DNAH1: variants seen among roughly 807,000 people sequenced by gnomAD.
DNAH1 encodes the protein dynein axonemal heavy chain 1.
A neutral mutation model predicts 484.3 loss-of-function variants in DNAH1; 327 were observed. The ratio of observed to expected loss-of-function variants is 0.68; its 90% CI spans 0.62 to 0.74. The LOEUF (loss-of-function observed/expected upper bound fraction) is 0.74, where lower values mean the gene tolerates loss of function less well. DNAH1 is among the 30% of genes least tolerant of loss of function. DNAH1 has a pLI of 0.00. For synonymous variants in DNAH1, 2,192 were observed against 2,191.9 expected (o/e 1.00, Z 0.00); for missense variants, 5,052 against 5,546.8 (o/e 0.91, Z 2.83).
At chr3:52,396,347 A>T in intron 70 of DNAH1, 21 bp from the exon 71 acceptor site, 1 of 1,558,692 alleles carries the variant, frequency 6.4e-7, no homozygotes, top group Non-Finnish European at 8.7e-7. Context: ...CTCAATGCTC[A>T]CGTGGAGCCA....
chr3:52,352,297 A>G (rs1351593625), intron 17 of DNAH1, among the ~76,000 whole-genome samples, 194 bp downstream of exon 17: 1 of 152,244 alleles, frequency 6.6e-6, no homozygotes, highest in Admixed American at 6.5e-5. Flanking sequence ...AGCAAGCTCC[A>G]GAAAGATTCG....
chr3:52,386,897 G>T, intron 56 of DNAH1, 44 bp downstream of exon 56: 1 of 1,492,452 alleles, frequency 6.7e-7, no homozygotes, highest in South Asian at 1.3e-5. Context: ...GTGAGGACAA[G>T]GCCCGCCCGG....
At position 52,349,433 on chromosome 3, in the gene DNAH1, C is replaced by G. The variant is rs769484089; in HGVS notation, c.2526+13C>G. On this transcript the variant is annotated intron_variant, in intron 14 of 77. Coordinates refer to ENST00000420323, the MANE Select transcript of DNAH1 (RefSeq NM_015512.5). Reference sequence around the variant, plus strand: ...GGAGGTGGATAGCGTAAGTGCCCACCTGCCCCGCCTCAGTGACCACAGCAG... The same window carrying G: ...GGAGGTGGATAGCGTAAGTGCCCACGTGCCCCGCCTCAGTGACCACAGCAG... The G allele has an allele frequency of 6.2e-7, 1 of 1,610,978 alleles. No homozygotes were observed. Among genetic ancestry groups the G allele is most frequent in the East Asian group, 2.2e-5 (1 of 44,862 alleles).
At chr3:52,398,780 G>C in intron 75 of DNAH1, 70 bp from the exon 76 acceptor site, 1 of 1,312,598 alleles carries the variant, frequency 7.6e-7, no homozygotes, top group South Asian at 1.6e-5. Context: ...CTGTGGCCTT[G>C]AGCTGCGGAG....
rs771316260 is a variant in DNAH1, at chr3:52,362,533, A to G, written c.5094+32A>G. On this transcript the variant is annotated intron_variant, in intron 31 of 77. Transcript: ENST00000420323. The surrounding 1 kb of genome is among the most constrained non-coding windows in gnomAD (Gnocchi z 5.1). ...GCAGGCCCAGAGTGGCCCAGGAAGC[A>G]CCAGAGCTCTAGCCTGAGTTCAGAG... The G allele has an allele frequency of 6.3e-7, 1 of 1,585,546 alleles. No individual in the cohort carries two copies. Among genetic ancestry groups the G allele is most frequent in the Admixed American group, 1.7e-5 (1 of 57,874 alleles).
At position 52,370,515 on chromosome 3, in the gene DNAH1, C is replaced by A. The variant is rs377060183; in HGVS notation, c.6297C>A (p.Ile2099=). The part of the protein sequence containing the change: ...KKIPSEKLSR[I]VELIEPWFIF... ...TACCCTCTGAAAAGCTGAGTCGCAT[C>A]GTAGAGTTGATCGAGCCCTGGTTCA... Residue 2099 remains isoleucine, a synonymous_variant, in exon 40 of 78, where the codon ATC becomes ATA. Coordinates refer to ENST00000420323, the MANE Select transcript of DNAH1 (RefSeq NM_015512.5). 2 of 1,613,882 alleles carry A rather than the reference C, an allele frequency of 1.2e-6. No homozygotes were observed. Among genetic ancestry groups the A allele is most frequent in the African/African-American group, 2.7e-5 (2 of 74,926 alleles).
In DNAH1 at chr3:52,382,400, T is replaced by C. The variant is rs759593608; in HGVS notation, c.7886T>C (p.Leu2629Pro). ...SEWRDDVKKV[L>P]LKAGLQNLPI... ...TGGCGAGATGATGTGAAGAAGGTCCTGCTCAAGGCGGGCCTACAGAACCTA... is the reference window on the plus strand; with the variant it reads ...TGGCGAGATGATGTGAAGAAGGTCCCGCTCAAGGCGGGCCTACAGAACCTA... The change falls in exon 50 of 78, where the codon CTG becomes CCG. Residue 2629 changes from leucine to proline, a missense_variant. Physicochemically the swap from Leu to Pro is moderately conservative, Grantham distance 98. This residue lies in a region of DNAH1 where 2,929 missense variants were observed against 3,409.4 expected (regional missense o/e 0.86). Transcript: ENST00000420323. The C allele has an allele frequency of 2.5e-6, 4 of 1,613,920 alleles. No homozygotes were observed. The African/African-American group carries it at 4.0e-5, about 16-fold the overall frequency.
At position 52,346,567 on chromosome 3, in the gene DNAH1, C is replaced by T. The variant is rs746140302; in HGVS notation, c.1752C>T (p.Tyr584=). 3.9e-5 allele frequency: 63 copies of T among 1,613,918 alleles called. No homozygotes were observed. The highest frequency in any genetic ancestry group is 1.7e-4 in the Admixed American group (10 of 60,002). Residue 584 remains tyrosine, a synonymous_variant, in exon 11 of 78, where the codon TAC becomes TAT. Transcript: ENST00000420323. The part of the protein sequence containing the change: ...RDMSKGWYNL[Y]ETNWEVYLMS... ...TGAGCAAGGGCTGGTACAACCTCTA[C>T]GAGACCAACTGGGAGGTGTACCTCA... is the stretch of plus-strand genomic sequence containing the variant.
At chr3:52,363,276 AC>A in intron 32 of DNAH1, 132 bp downstream of exon 32, 1 of 1,208,640 alleles carries the variant, frequency 8.3e-7, no homozygotes, top group Admixed American at 2.5e-5. Context: ...TCTCCCAGCA[AC>A]CCTTGGAGAT....
upstream of DNAH1, among the ~76,000 whole-genome samples, chr3:52,313,094 G>C (rs115271087): frequency 8.2e-3 from 1,250 of 152,310 alleles, 24 homozygotes; most frequent in African/African-American, 0.029. Flanking sequence ...GCCAGTGCCA[G>C]GCTCTTGAGT....
Position 52,381,809 on chromosome 3 carries a change from G to C in DNAH1, c.7778G>C (p.Ser2593Thr), listed in dbSNP as rs768324595. 10 of 1,601,082 alleles carry C rather than the reference G, an allele frequency of 6.2e-6. No individual in the cohort carries two copies. The South Asian group carries it at 1.1e-4, about 18-fold the overall frequency. The change falls in exon 49 of 78, where the codon AGC (serine) becomes ACC (threonine). Residue 2593 changes from serine (S) to threonine (T), a missense_variant. Around this residue, in one of 4 missense-constraint regions of DNAH1, gnomAD observed 2,929 missense variants for 3,409.4 expected, o/e 0.86. Coordinates refer to ENST00000420323, the MANE Select transcript of DNAH1 (RefSeq NM_015512.5). The surrounding 1 kb of genome is among the most constrained non-coding windows in gnomAD (Gnocchi z 4.1). Reference sequence around the variant, plus strand: ...CTGGGCGTGGGTGGCAGCGGCCGCAGCTCCCTCACAAGGCTCGCCTCGCAC... The same window carrying C: ...CTGGGCGTGGGTGGCAGCGGCCGCACCTCCCTCACAAGGCTCGCCTCGCAC... ...LLLGVGGSGR[S>T]SLTRLASHMA...
intron 6 of DNAH1, among the ~76,000 whole-genome samples, chr3:52,330,761 A>G (rs1701514360): frequency 1.3e-5 from 2 of 152,238 alleles, no homozygotes; most frequent in South Asian, 4.1e-4. Context: ...CACCCTGGCC[A>G]TGGTCACCTT....
Position 52,396,422 on chromosome 3 carries a change from G to A in DNAH1, c.11314G>A (p.Val3772Met). The change falls in exon 71 of 78, where the codon GTG (valine) becomes ATG (methionine). Residue 3772 changes from valine to methionine, a missense_variant. Val to Met is a conservative substitution (Grantham distance 21). This residue lies in a region of DNAH1 where 853 missense variants were observed against 899.0 expected (regional missense o/e 0.95). Transcript: ENST00000420323. Reference protein sequence around the residue: ...LTSLPSNKFPVSILQNGSKMT... With the variant: ...LTSLPSNKFPMSILQNGSKMT... The stretch of plus-strand genomic sequence containing the variant: ...CAGCCTGCCCAGCAACAAGTTCCCA[G>A]TGTCCATCCTGCAGAACGGCTCCAA... The A allele has an allele frequency of 6.3e-7, 1 of 1,591,436 alleles. No homozygotes were observed. The highest frequency in any genetic ancestry group is 8.6e-7 in the Non-Finnish European group (1 of 1,169,364).
chr3:52,332,401 C>A lies in DNAH1; in HGVS notation c.1286+7C>A, dbSNP rs570694571. On this transcript the variant is annotated splice_region_variant and intron_variant, in intron 8 of 77. Coordinates refer to ENST00000420323, the MANE Select transcript of DNAH1 (RefSeq NM_015512.5). ...GGATGCGCAAAGGCCCCTCGTGAGT[C>A]CCCGCTCGGCCTTCCCTATTCTGGG... 1.6e-5 allele frequency: 25 copies of A among 1,610,210 alleles called. No homozygotes were observed. The East Asian group carries it at 5.1e-4, about 33-fold the overall frequency.
intron 20 of DNAH1, 112 bp from the exon 21 acceptor site, chr3:52,354,731 C>G (rs576606278): frequency 1.0e-6 from 1 of 989,114 alleles, no homozygotes; most frequent in African/African-American, 1.6e-5. Context: ...GCCAGAGCGG[C>G]CATGTGGAGG....
intron 67 of DNAH1, 55 bp downstream of exon 67, chr3:52,394,716 A>G: frequency 6.5e-7 from 1 of 1,528,352 alleles, no homozygotes; most frequent in Non-Finnish European, 8.8e-7. Context: ...ATGAGTCCCT[A>G]GGAAAGGCTT....
Position 52,372,236 on chromosome 3 carries a change from A to G in DNAH1, c.6676A>G (p.Ile2226Val), listed in dbSNP as rs112505934. The change falls in exon 43 of 78, where the codon ATT becomes GTT. Residue 2226 changes from isoleucine (I) to valine (V), a missense_variant. Physicochemically the swap from Ile to Val is conservative, Grantham distance 29. This residue lies in a region of DNAH1 where 2,929 missense variants were observed against 3,409.4 expected (regional missense o/e 0.86). Transcript: ENST00000420323. ...LLTNKKPVLC[I>V]GPTGTGKTLT... is the part of the protein sequence containing the mutation. The stretch of plus-strand genomic sequence containing the variant: ...ATCCCCGCTCTGCCAGGTGCTGTGC[A>G]TTGGGCCAACAGGCACGGGGAAGAC... The G allele has an allele frequency of 7.0e-3, 11,237 of 1,613,864 alleles. 55 individuals carry two copies. The highest frequency in any genetic ancestry group is 8.0e-3 in the Non-Finnish European group (9,398 of 1,179,842).
rs933851108 is a variant in DNAH1 at position 52,355,435 on chromosome 3, C to T, written c.3693+380C>T. Among the ~76,000 whole-genome samples, 1 of 152,270 alleles carries T rather than the reference C, an allele frequency of 6.6e-6. No homozygotes were observed. Among genetic ancestry groups the T allele is most frequent in the Non-Finnish European group, 1.5e-5 (1 of 68,044 alleles). On this transcript the variant is annotated intron_variant, in intron 21 of 77. Transcript: ENST00000420323. This position sits in a 1 kb window ranked among gnomAD's most constrained non-coding sequence, Gnocchi z 4.5. ...GATGTCCCAAGGTCCCAGAGCACCT[C>T]AGTGCCCTTTCCCACTCTGTCCTGA...
chr3:52,395,724 T>C lies in DNAH1; in HGVS notation c.11259+46T>C, dbSNP rs1456471335. ...CAGACCCAGTGGGGCCGCCTCTGCA[T>C]CCATCAGGGACTAATGAGGCAGAAA... On this transcript the variant is annotated intron_variant, in intron 70 of 77. Transcript: ENST00000420323. The surrounding 1 kb of genome is among the most constrained non-coding windows in gnomAD (Gnocchi z 4.4). The C allele has an allele frequency of 6.3e-7, 1 of 1,591,998 alleles. No individual in the cohort carries two copies. The highest frequency in any genetic ancestry group is 8.6e-7 in the Non-Finnish European group (1 of 1,168,208).
Sources: gnomAD v4.1 joint callset for allele counts (sites outside exome capture counted in the v4.1 genomes callset) on GRCh38, gnomAD v4.1.1 for gene constraint, gnomAD v4.1.1 regional missense constraint, Gnocchi (gnomAD v3.1) non-coding constraint, MANE v1.5 for transcripts, NCBI Gene and HGNC (gene_info 2026-07-23, HGNC 2026-07-21) for gene names.